Variants in HPSE2 observed in about 807,000 individuals in gnomAD.
The protein encoded by HPSE2 is inactive heparanase-2.
A neutral mutation model predicts 60.5 loss-of-function variants in HPSE2; 38 were observed. The observed-to-expected ratio is 0.63, with a 90% confidence interval of 0.48 to 0.82. HPSE2 has a LOEUF of 0.82. Among genes scored for constraint, HPSE2 ranks in the 40% least tolerant of loss-of-function variants. The pLI is 0.00. For missense variants in HPSE2, 713 were observed against 740.4 expected, an observed-to-expected ratio of 0.96 and a Z score of 0.43; for synonymous variants, 295 against 293.2, an observed-to-expected ratio of 1.01 and a Z score of -0.06.
At chr10:98,742,758 T>G in intron 4 of HPSE2, among the ~76,000 whole-genome samples, 1 of 144,650 alleles carries the variant, frequency 6.9e-6, no homozygotes, top group South Asian at 2.3e-4. Flanking sequence ...GAATGAATGA[T>G]AACTTATGTT....
chr10:98,480,711 C>G (rs1364798310), intron 11 of HPSE2, among the ~76,000 whole-genome samples: 1 of 152,174 alleles, frequency 6.6e-6, no homozygotes, highest in Non-Finnish European at 1.5e-5. Context: ...CTTAGCATGA[C>G]TTTTTATCAT....
At chr10:98,577,838 T>C (rs748586980) in intron 9 of HPSE2, among the ~76,000 whole-genome samples, 4 of 152,220 alleles carry the variant, frequency 2.6e-5, no homozygotes, top group South Asian at 4.1e-4. Flanking sequence ...AAGTCCTGCA[T>C]TGGACTTGGC....
At chr10:98,552,293 G>GATCATC (rs6144046) in intron 9 of HPSE2, among the ~76,000 whole-genome samples, 39 of 151,250 alleles carry the variant, frequency 2.6e-4, no homozygotes, top group Admixed American at 2.3e-3. Context: ...GTGTAATGGA[G>GATCATC]ATCATCATCA....
At position 98,604,727 on chromosome 10, in the gene HPSE2, T is replaced by G. The variant is rs575215808; in HGVS notation, c.1320+10177A>C. Among the ~76,000 whole-genome samples the G allele has an allele frequency of 5.9e-5, 9 of 152,320 alleles. No individual in the cohort carries two copies. The South Asian group carries it at 1.9e-3, about 32-fold the overall frequency. ...GCAGTGCAGTTTTATTTTAAAAGATTTTATTAATTTAGGTTCAGCTGGGAG... is the reference window on the plus strand; with the variant it reads ...GCAGTGCAGTTTTATTTTAAAAGATGTTATTAATTTAGGTTCAGCTGGGAG... On this transcript the variant is annotated intron_variant, in intron 9 of 11. Transcript: ENST00000370552.
chr10:98,488,682 C>T (rs921009155), intron 10 of HPSE2, among the ~76,000 whole-genome samples: 1 of 152,200 alleles, frequency 6.6e-6, no homozygotes, highest in Non-Finnish European at 1.5e-5. Flanking sequence ...TGGGGGTCCA[C>T]CTTTTGGGTG....
chr10:98,895,600 A>G lies in HPSE2; in HGVS notation c.611-151544T>C, dbSNP rs569553467. On this transcript the variant is annotated intron_variant, in intron 3 of 11. Coordinates refer to ENST00000370552, the MANE Select transcript of HPSE2 (RefSeq NM_021828.5). Reference sequence around the variant, plus strand: ...AGGAACTTCACCCCAATGTTTGAGAAGCCTATTTCTGCCTTACTTAAAAAC... The same window carrying G: ...AGGAACTTCACCCCAATGTTTGAGAGGCCTATTTCTGCCTTACTTAAAAAC... Among the ~76,000 whole-genome samples the G allele has an allele frequency of 1.1e-4, 16 of 152,238 alleles. No individual in the cohort carries two copies. The South Asian group carries it at 3.1e-3, about 30-fold the overall frequency.
At chr10:99,252,158 G>C in the HPSE2 span, among the ~76,000 whole-genome samples, 1 of 151,706 alleles carries the variant, frequency 6.6e-6, no homozygotes, top group Non-Finnish European at 1.5e-5. Flanking sequence ...GACATCAAAG[G>C]AACATACCTC....
intron 2 of HPSE2, among the ~76,000 whole-genome samples, chr10:99,203,866 G>GCCCGCTCC (rs78743483): frequency 1.3e-5 from 2 of 151,648 alleles, no homozygotes; most frequent in Non-Finnish European, 2.9e-5. Flanking sequence ...CAGAAGCCAG[G>GCCCGCTCC]ACCGCTCCAC....
chr10:98,729,205 T>G (rs1949166953), intron 4 of HPSE2, among the ~76,000 whole-genome samples: 1 of 152,028 alleles, frequency 6.6e-6, no homozygotes, highest in South Asian at 2.1e-4. Flanking sequence ...GATTAAATAC[T>G]CCAATTAAAA....
intron 9 of HPSE2, among the ~76,000 whole-genome samples, chr10:98,596,849 TCTGA>T (rs2133931047): frequency 6.6e-6 from 1 of 152,294 alleles, no homozygotes; most frequent in East Asian, 1.9e-4. Context: ...GTGGAGTGAA[TCTGA>T]CTGGAGACTG....
intron 3 of HPSE2, among the ~76,000 whole-genome samples, chr10:98,861,367 G>C (rs1440335366): frequency 6.6e-6 from 1 of 152,096 alleles, no homozygotes; most frequent in Admixed American, 6.6e-5. Context: ...CTATATGGAA[G>C]TCCAAATTAT....
chr10:98,908,109 A>G (rs1462305619), intron 3 of HPSE2, among the ~76,000 whole-genome samples: 4 of 152,196 alleles, frequency 2.6e-5, no homozygotes, highest in Non-Finnish European at 2.9e-5. Context: ...GTAATCAATA[A>G]TAGTTACTGT....
At position 98,936,708 on chromosome 10, in the gene HPSE2, C is replaced by T. The variant is rs1236651504; in HGVS notation, c.611-192652G>A. ...TTATTTTGAAAGTTTTGGCCAGGTG[C>T]GGTGGCTCACGCCTGTAATCCCAGC... is the stretch of plus-strand genomic sequence containing the variant. On this transcript the variant is annotated intron_variant, in intron 3 of 11. Transcript: ENST00000370552. 3.5e-5 allele frequency among the ~76,000 whole-genome samples: 5 copies of T among 142,900 alleles called. 1 individual carries two copies. Among genetic ancestry groups the T allele is most frequent in the Admixed American group, 1.4e-4 (2 of 14,374 alleles). 93.7% of individuals were successfully genotyped at this position (142,900 alleles called of 152,430 possible).
At chr10:99,099,368 C>G (rs1843851571) in intron 3 of HPSE2, among the ~76,000 whole-genome samples, 1 of 152,232 alleles carries the variant, frequency 6.6e-6, no homozygotes, top group Non-Finnish European at 1.5e-5. Context: ...CTCACAGGGA[C>G]CCATGCCCGT....
intron 3 of HPSE2, among the ~76,000 whole-genome samples, chr10:99,108,087 T>G (rs1385337708): frequency 6.6e-6 from 1 of 152,162 alleles, no homozygotes; most frequent in Non-Finnish European, 1.5e-5. Flanking sequence ...CTGAAGCAGA[T>G]AGTGACATTC....
intron 3 of HPSE2, among the ~76,000 whole-genome samples, chr10:98,980,411 T>C (rs1256906144): frequency 6.6e-6 from 1 of 152,130 alleles, no homozygotes; most frequent in Non-Finnish European, 1.5e-5. Context: ...AATCAATTCA[T>C]GAATCAGGCA....
At chr10:98,812,748 T>C (rs1285891060) in intron 3 of HPSE2, among the ~76,000 whole-genome samples, 1 of 152,200 alleles carries the variant, frequency 6.6e-6, no homozygotes, top group Non-Finnish European at 1.5e-5. Context: ...TTCATATGAA[T>C]ATTTGATTTT....
chr10:98,671,898 C>G (rs1249172374), intron 6 of HPSE2, among the ~76,000 whole-genome samples: 1 of 152,110 alleles, frequency 6.6e-6, no homozygotes. Context: ...CCCACCTGGC[C>G]ATATCCCTTC....
At chr10:99,191,015 G>A (rs567605275) in intron 2 of HPSE2, among the ~76,000 whole-genome samples, 6 of 152,246 alleles carry the variant, frequency 3.9e-5, no homozygotes, top group African/African-American at 7.2e-5. Flanking sequence ...TAGGGTGGTC[G>A]TGGCCACAGG....
Sources: allele counts gnomAD v4.1 joint callset (sites outside exome capture counted in the v4.1 genomes callset), GRCh38; gene constraint gnomAD v4.1.1; transcripts MANE v1.5; gene names NCBI Gene and HGNC (gene_info 2026-07-23, HGNC 2026-07-21).